ZNF180: variants seen among roughly 807,000 people sequenced by gnomAD.
ZNF180 encodes the protein zinc finger protein 180.
A neutral mutation model predicts 11.8 loss-of-function variants in ZNF180; 11 were observed. The ratio of observed to expected loss-of-function variants is 0.93; its 90% CI spans 0.59 to 1.55. The LOEUF (loss-of-function observed/expected upper bound fraction) is 1.55, where lower values mean the gene tolerates loss of function less well. ZNF180 is among the 40% of genes most tolerant of loss of function. The probability of loss-of-function intolerance (pLI) is 0.00; values close to 1 mark genes in which losing one functional copy is unlikely to be tolerated. For synonymous variants in ZNF180, 287 were observed against 257.7 expected, an observed-to-expected ratio of 1.11 and a Z score of -1.09; for missense variants, 773 against 781.7, an observed-to-expected ratio of 0.99 and a Z score of 0.13.
At position 44,478,134 on chromosome 19, in the gene ZNF180, G is replaced by A; in HGVS notation, c.266C>T (p.Ala89Val). Residue 89 changes from alanine to valine, a missense_variant, in exon 5 of 5, where the codon GCA becomes GTA. Transcript: ENST00000592529. ...RDLVSWDLAT[A>V]VGKKDSTSKQ... ...TGAAGTTGAATCTTTTTTTCCAACT[G>A]CAGTTGCCAAGTCTGAAAGAAAGCA... The A allele has an allele frequency of 6.4e-7, 1 of 1,570,282 alleles. No homozygotes were observed. The highest frequency in any genetic ancestry group is 8.6e-7 in the Non-Finnish European group (1 of 1,157,646).
At chr19:44,480,416 C>T (rs1970047751) in intron 3 of ZNF180, among the ~76,000 whole-genome samples, 1 of 152,150 alleles carries the variant, frequency 6.6e-6, no homozygotes, top group African/African-American at 2.4e-5. Context: ...AATTGTCTTT[C>T]CCTGGCGAGT....
chr19:44,476,236 C>T lies in ZNF180; in HGVS notation c.*166G>A, dbSNP rs1189028173. 2 of 625,610 alleles carry T rather than the reference C, an allele frequency of 3.2e-6. No individual in the cohort carries two copies. The highest frequency in any genetic ancestry group is 5.1e-6 in the Non-Finnish European group (2 of 395,362). The allele number at this position is 625,610 out of a possible 1,614,324, so 38.8% of individuals were successfully genotyped here. ...GTTGAAAAGTCGTTCATAGACTTTC[C>T]CCCTTTCTTTTCCAGAACAAATTTG... On this transcript the variant is annotated 3_prime_UTR_variant, in exon 5 of 5. Coordinates refer to ENST00000592529, the MANE Select transcript of ZNF180 (RefSeq NM_001278509.3).
chr19:44,497,565 G>C (rs1970624046), intron 1 of ZNF180, among the ~76,000 whole-genome samples, 188 bp from the exon 2 acceptor site: 1 of 151,966 alleles, frequency 6.6e-6, no homozygotes, highest in Admixed American at 6.6e-5. Flanking sequence ...CCCTCTCCCA[G>C]GTCAAGTTTC....
At chr19:44,479,023 G>C (rs1323977997) in intron 4 of ZNF180, among the ~76,000 whole-genome samples, 1 of 152,136 alleles carries the variant, frequency 6.6e-6, no homozygotes, top group East Asian at 1.9e-4. Flanking sequence ...TTCAAAGCTG[G>C]GGACAAAAGA....
chr19:44,488,591 A>G (rs1278848927), intron 2 of ZNF180, among the ~76,000 whole-genome samples: 1 of 152,026 alleles, frequency 6.6e-6, no homozygotes, highest in Non-Finnish European at 1.5e-5. Context: ...GCTGGAGTGC[A>G]GTGGCGTGAT....
At chr19:44,500,082 C>T in intron 1 of ZNF180, 193 bp downstream of exon 1, 3 of 1,480,992 alleles carry the variant, frequency 2.0e-6, no homozygotes, top group East Asian at 2.3e-5. Context: ...AGCACCCGCG[C>T]ATGCACGCAG....
chr19:44,487,952 C>T (rs1054102250), intron 2 of ZNF180, among the ~76,000 whole-genome samples: 1 of 152,166 alleles, frequency 6.6e-6, no homozygotes, highest in East Asian at 1.9e-4. Flanking sequence ...GTCTTGACCT[C>T]TTGACCTTGT....
chr19:44,493,488 G>A (rs1193849772), intron 2 of ZNF180, among the ~76,000 whole-genome samples: 1 of 152,196 alleles, frequency 6.6e-6, no homozygotes, highest in Non-Finnish European at 1.5e-5. Context: ...TCCAAATCAA[G>A]TACTTGTTCA....
intron 2 of ZNF180, among the ~76,000 whole-genome samples, chr19:44,492,359 A>G (rs1163216123): frequency 2.8e-5 from 4 of 140,404 alleles, no homozygotes; most frequent in Non-Finnish European, 6.1e-5. Context: ...TACTTTCTGT[A>G]TGCTCTGGAG....
chr19:44,492,995 A>C (rs2571115), intron 2 of ZNF180, among the ~76,000 whole-genome samples: 99,790 of 151,976 alleles, frequency 0.66, 33,312 homozygotes, highest in East Asian at 0.89. Context: ...TAAAACCAAT[A>C]TTCACAAACT....
At chr19:44,486,968 G>A (rs898706084) in intron 2 of ZNF180, among the ~76,000 whole-genome samples, 5 of 152,060 alleles carry the variant, frequency 3.3e-5, no homozygotes, top group African/African-American at 7.2e-5. Context: ...CACCTGAACC[G>A]GAAGTTGGAG....
chr19:44,486,766 C>T (rs117276093), intron 2 of ZNF180, among the ~76,000 whole-genome samples: 4,886 of 152,120 alleles, frequency 0.032, 128 homozygotes, highest in Middle Eastern at 0.068. Context: ...ATAGGCCGGG[C>T]ATGGTGGCTC....
chr19:44,485,698 T>G (rs538361156), intron 2 of ZNF180, among the ~76,000 whole-genome samples: 2 of 152,356 alleles, frequency 1.3e-5, no homozygotes, highest in South Asian at 4.1e-4. Context: ...TATTTACAAA[T>G]ACTGCTTTAT....
chr19:44,476,726 G>A lies in ZNF180; in HGVS notation c.1674C>T (p.Ser558=). 1 of 1,614,154 alleles carries A rather than the reference G, an allele frequency of 6.2e-7. No individual in the cohort carries two copies. The highest frequency in any genetic ancestry group is 8.5e-7 in the Non-Finnish European group (1 of 1,180,014). ...CAACAAGAACATAACTCTGGCTGAA[G>A]GATTTCCCACACTGATTACATTCAT... ...KPYECNQCGK[S]FSQSYVLVVH... is the part of the protein sequence containing the mutation. The change falls in exon 5 of 5, where the codon TCC becomes TCT. Residue 558 remains serine, a synonymous_variant. Transcript: ENST00000592529.
intron 2 of ZNF180, among the ~76,000 whole-genome samples, chr19:44,488,008 A>G (rs1003445407): frequency 2.6e-5 from 4 of 152,006 alleles, no homozygotes; most frequent in African/African-American, 9.7e-5. Context: ...TACAGGCGTG[A>G]GCCACCGTGC....
rs1970613519 is a variant in ZNF180, at chr19:44,497,288, G to C, written c.47C>G (p.Ala16Gly). Residue 16 changes from alanine to glycine, a missense_variant, in exon 2 of 5, where the codon GCA (alanine) becomes GGA (glycine). Ala to Gly is a moderately conservative substitution (Grantham distance 60, BLOSUM62 0). Transcript: ENST00000592529. Reference sequence around the variant, plus strand: ...AAGCTCTGGGTCTCCACTCACCTGTGCACAGACCTTCGGGGGCTCTGGGGG... The same window carrying C: ...AAGCTCTGGGTCTCCACTCACCTGTCCACAGACCTTCGGGGGCTCTGGGGG... ...EKPPEPPKVC[A>G]QDSFLPQEII... is the part of the protein sequence containing the mutation. The C allele has an allele frequency of 4.4e-6, 7 of 1,591,810 alleles. No individual in the cohort carries two copies. Among genetic ancestry groups the C allele is most frequent in the Non-Finnish European group, 5.1e-6 (6 of 1,173,152 alleles).
chr19:44,498,845 G>A (rs1269295717), intron 1 of ZNF180, among the ~76,000 whole-genome samples: 2 of 152,054 alleles, frequency 1.3e-5, no homozygotes, highest in Non-Finnish European at 2.9e-5. Flanking sequence ...ATCCAAACTG[G>A]AGCCCCCAGG....
At position 44,500,306 on chromosome 19, in the gene ZNF180, G is replaced by A; in HGVS notation, c.-75C>T. ...GTCCGCTGGCCCGCAGCCCAGGCTG[G>A]GCCTGTCACCGCCTCAGTGCCTAGC... On this transcript the variant is annotated 5_prime_UTR_variant, in exon 1 of 5. Transcript: ENST00000592529. The A allele has an allele frequency of 6.2e-7, 1 of 1,602,480 alleles. No homozygotes were observed.
At chr19:44,498,944 G>T (rs1970661551) in intron 1 of ZNF180, among the ~76,000 whole-genome samples, 1 of 152,010 alleles carries the variant, frequency 6.6e-6, no homozygotes, top group Admixed American at 6.6e-5. Flanking sequence ...CTCACAATCT[G>T]CATCCAGGAC....
Sources: gnomAD v4.1 joint callset for allele counts (sites outside exome capture counted in the v4.1 genomes callset) on GRCh38, gnomAD v4.1.1 for gene constraint, MANE v1.5 for transcripts, NCBI Gene and HGNC (gene_info 2026-07-23, HGNC 2026-07-21) for gene names.